ARMC9: variants seen among roughly 807,000 people sequenced by gnomAD.
ARMC9 encodes the protein lisH domain-containing protein ARMC9.
A neutral mutation model predicts 107.0 loss-of-function variants in ARMC9; 94 were observed. The observed-to-expected ratio is 0.88, with a 90% CI of 0.74 to 1.04. The LOEUF (loss-of-function observed/expected upper bound fraction) is 1.04. Ranked by LOEUF, ARMC9 falls within the 50% of genes least tolerant of loss-of-function variation. ARMC9 has a pLI of 0.00. For synonymous variants in ARMC9, 380 were observed against 396.9 expected (o/e 0.96, Z 0.51); for missense variants, 942 against 1,030.1 (o/e 0.91, Z 1.17).
rs965920762 is a variant in ARMC9, at chr2:231,360,013, T to C, written c.2132-741T>C. 6.6e-6 allele frequency among the ~76,000 whole-genome samples: 1 copy of C among 152,038 alleles called. No individual in the cohort carries two copies. The highest frequency in any genetic ancestry group is 1.5e-5 in the Non-Finnish European group (1 of 67,996). ...CACGGATGCAGCCTCTGTCACAGTG[T>C]CGCTGCAGCAGTGACATGGACCCCT... On this transcript the variant is annotated intron_variant, in intron 22 of 24. Coordinates refer to ENST00000611582, the MANE Select transcript of ARMC9 (RefSeq NM_001352754.2). The surrounding 1 kb of genome is among the most constrained non-coding windows in gnomAD (Gnocchi z 4.7).
At chr2:231,345,903 A>T (rs16827979) in intron 21 of ARMC9, among the ~76,000 whole-genome samples, 2,929 of 152,310 alleles carry the variant, frequency 0.019, 96 homozygotes, top group African/African-American at 0.066. Context: ...ATGAACAACC[A>T]GGCAACGGAA....
At chr2:231,213,234 G>T (rs2033108673) in intron 3 of ARMC9, among the ~76,000 whole-genome samples, 1 of 149,620 alleles carries the variant, frequency 6.7e-6, no homozygotes, top group Non-Finnish European at 1.5e-5. Context: ...TGGGATCTCA[G>T]CTCAGTGCAG....
chr2:231,352,437 T>G (rs1237437673), intron 21 of ARMC9, among the ~76,000 whole-genome samples: 4 of 152,038 alleles, frequency 2.6e-5, no homozygotes, highest in African/African-American at 9.7e-5. Context: ...GTAGCTGGGA[T>G]TACAGGCGCC....
rs75794765 is a variant in ARMC9 at position 231,366,267 on chromosome 2, C to T, written c.2262-3686C>T. On this transcript the variant is annotated intron_variant, in intron 23 of 24. Coordinates refer to ENST00000611582, the MANE Select transcript of ARMC9 (RefSeq NM_001352754.2). ...TGACTGGATGGGGGCACTCATGTTA[C>T]GGAGGGTGATCTGCCTCACTCAGAG... Among the ~76,000 whole-genome samples, 1,183 of 152,240 alleles carry T rather than the reference C, an allele frequency of 7.8e-3. 14 individuals are homozygous for T. The highest frequency in any genetic ancestry group is 0.027 in the African/African-American group (1,113 of 41,542).
chr2:231,266,015 A>T (rs1266712591), intron 12 of ARMC9, among the ~76,000 whole-genome samples: 3 of 150,918 alleles, frequency 2.0e-5, no homozygotes, highest in Admixed American at 6.6e-5. Flanking sequence ...AAAAAAAAAG[A>T]AGAAATGAGT....
intron 9 of ARMC9, among the ~76,000 whole-genome samples, chr2:231,254,719 A>G (rs2037606838): frequency 6.6e-6 from 1 of 152,114 alleles, no homozygotes; most frequent in African/African-American, 2.4e-5. Context: ...TTAACTGACA[A>G]TAAGATTTTT....
intron 18 of ARMC9, chr2:231,295,949 G>T: frequency 2.9e-6 from 1 of 339,800 alleles, no homozygotes; most frequent in Non-Finnish European, 5.3e-6. Flanking sequence ...TTATATGCTG[G>T]CTTTTAATTT....
intron 7 of ARMC9, among the ~76,000 whole-genome samples, chr2:231,230,803 C>T (rs143847396): frequency 5.9e-5 from 9 of 152,116 alleles, no homozygotes; most frequent in South Asian, 2.1e-4. Context: ...ATTTTGTTTA[C>T]GACATGAAAA....
chr2:231,340,611 G>C (rs193020522), intron 20 of ARMC9, among the ~76,000 whole-genome samples: 1 of 152,182 alleles, frequency 6.6e-6, no homozygotes, highest in African/African-American at 2.4e-5. Context: ...TTAAGGCCAG[G>C]CTGAGTGGCT....
intron 19 of ARMC9, among the ~76,000 whole-genome samples, chr2:231,316,035 T>C (rs1261065477): frequency 2.6e-5 from 4 of 152,200 alleles, no homozygotes; most frequent in African/African-American, 9.7e-5. Context: ...GAACTTTGCA[T>C]CAGTAGGCTC....
rs751055050 is a variant in ARMC9, at chr2:231,268,568, T to A, written c.1120-2414T>A. Reference sequence around the variant, plus strand: ...TCCCATATTATCTTATTTCTTGACTTGTTCTCTCGGTTGGTGGAACACATC... The same window carrying A: ...TCCCATATTATCTTATTTCTTGACTAGTTCTCTCGGTTGGTGGAACACATC... On this transcript the variant is annotated intron_variant, in intron 12 of 24. Transcript: ENST00000611582. Among the ~76,000 whole-genome samples, 184 of 152,200 alleles carry A rather than the reference T, an allele frequency of 1.2e-3. 2 individuals carry two copies. Among genetic ancestry groups the A allele is most frequent in the Admixed American group, 3.1e-3 (48 of 15,266 alleles).
intron 7 of ARMC9, among the ~76,000 whole-genome samples, chr2:231,232,285 A>G (rs867033822): frequency 4.6e-5 from 7 of 152,010 alleles, no homozygotes; most frequent in African/African-American, 1.4e-4. Context: ...CGGCCTCCCA[A>G]AGTGCTGGGA....
chr2:231,330,559 T>A (rs561838930), intron 19 of ARMC9, among the ~76,000 whole-genome samples: 5 of 152,186 alleles, frequency 3.3e-5, no homozygotes, highest in African/African-American at 1.2e-4. Flanking sequence ...CATTGTGGGG[T>A]GGGGGCCTCC....
chr2:231,326,672 C>G (rs911783537), intron 19 of ARMC9, among the ~76,000 whole-genome samples: 1 of 152,222 alleles, frequency 6.6e-6, no homozygotes, highest in Non-Finnish European at 1.5e-5. Flanking sequence ...GGCAGCATCA[C>G]ATTTCAAGGC....
rs139607491 is a variant in ARMC9, at chr2:231,278,389, C to A, written c.1482C>A (p.Asn494Lys). The A allele has an allele frequency of 1.2e-6, 2 of 1,614,110 alleles. No homozygotes were observed. Among genetic ancestry groups the A allele is most frequent in the Non-Finnish European group, 8.5e-7 (1 of 1,179,998 alleles). The change falls in exon 16 of 25, where the codon AAC becomes AAA. Residue 494 changes from asparagine (N) to lysine (K), a missense_variant. By Grantham distance (94) the Asn-to-Lys change is moderately conservative. Transcript: ENST00000611582. ...TTGATTTGTTTCCCATAGGGAAGAA[C>A]ATGTGTGCCAAGGTGGCAGGCCTCG... is the stretch of plus-strand genomic sequence containing the variant. ...MNLCLRSTGK[N>K]MCAKVAGLVL...
chr2:231,311,682 A>G (rs1189867830), intron 19 of ARMC9, among the ~76,000 whole-genome samples: 1 of 150,556 alleles, frequency 6.6e-6, no homozygotes, highest in Non-Finnish European at 1.5e-5. Context: ...AGGAGTGAGA[A>G]TCGCTTGAAT....
At chr2:231,239,154 G>A (rs2125369730) in intron 8 of ARMC9, among the ~76,000 whole-genome samples, 1 of 152,334 alleles carries the variant, frequency 6.6e-6, no homozygotes, top group South Asian at 2.1e-4. Flanking sequence ...GGTTTGTGGG[G>A]GAAGGGTGGG....
In ARMC9 at chr2:231,300,999, C is replaced by A. The variant is rs571888742; in HGVS notation, c.1773+4746C>A. ...CTCCACTGCACTCACATCAACCCCC[C>A]CAAGAAACCCATGTTAGTGATCTAG... On this transcript the variant is annotated intron_variant, in intron 19 of 24. Coordinates refer to ENST00000611582, the MANE Select transcript of ARMC9 (RefSeq NM_001352754.2). Among the ~76,000 whole-genome samples, 16 of 152,158 alleles carry A rather than the reference C, an allele frequency of 1.1e-4. No homozygotes were observed. The South Asian group carries it at 2.9e-3, about 28-fold the overall frequency.
chr2:231,245,382 G>A (rs1199879011), intron 9 of ARMC9, among the ~76,000 whole-genome samples: 1 of 152,242 alleles, frequency 6.6e-6, no homozygotes, highest in African/African-American at 2.4e-5. Context: ...GTGCTAGGCT[G>A]TTCCTGGATG....
Sources: gnomAD v4.1 joint callset for allele counts (sites outside exome capture counted in the v4.1 genomes callset) on GRCh38, gnomAD v4.1.1 for gene constraint, Gnocchi (gnomAD v3.1) non-coding constraint, MANE v1.5 for transcripts, NCBI Gene and HGNC (gene_info 2026-07-23, HGNC 2026-07-21) for gene names.